CNTN5: variants seen among roughly 807,000 people sequenced by gnomAD.
The protein encoded by CNTN5 is contactin 5, also known as contactin-5.
Under a neutral mutation model 129.1 loss-of-function variants are expected in CNTN5, and 77 were observed. The observed-to-expected ratio is 0.60, with a 90% CI of 0.50 to 0.72. The LOEUF (loss-of-function observed/expected upper bound fraction) is 0.72. CNTN5 is among the 30% of genes least tolerant of loss of function. The probability of loss-of-function intolerance (pLI) is 0.00; values close to 1 mark genes in which losing one functional copy is unlikely to be tolerated. For synonymous variants in CNTN5, 509 were observed against 465.6 expected (o/e 1.09, Z -1.20); for missense variants, 1,478 against 1,328.8 (o/e 1.11, Z -1.75).
At chr11:99,089,748 C>T (rs774165327) in intron 1 of CNTN5, among the ~76,000 whole-genome samples, 11 of 152,118 alleles carry the variant, frequency 7.2e-5, no homozygotes, top group East Asian at 1.9e-4. Context: ...CTAAACAATA[C>T]GGGACAAATA....
At chr11:99,677,584 C>G (rs750350592) in intron 3 of CNTN5, among the ~76,000 whole-genome samples, 1 of 152,016 alleles carries the variant, frequency 6.6e-6, no homozygotes, top group Non-Finnish European at 1.5e-5. Context: ...GTGTTTTTGT[C>G]TTCTCACTCT....
chr11:99,584,314 A>G (rs998997117), intron 3 of CNTN5, among the ~76,000 whole-genome samples: 6 of 152,180 alleles, frequency 3.9e-5, no homozygotes, highest in Non-Finnish European at 8.8e-5. Context: ...CTAGCTCACC[A>G]TACTTATTCA....
At chr11:99,160,542 A>T (rs1860558888) in intron 1 of CNTN5, among the ~76,000 whole-genome samples, 1 of 152,166 alleles carries the variant, frequency 6.6e-6, no homozygotes, top group African/African-American at 2.4e-5. Flanking sequence ...TATATATTTT[A>T]CTTTTTGCTG....
chr11:100,150,585 C>G (rs982732615), intron 13 of CNTN5, among the ~76,000 whole-genome samples: 1 of 151,096 alleles, frequency 6.6e-6, no homozygotes, highest in Non-Finnish European at 1.5e-5. Context: ...CTTTTTTTCC[C>G]TCTCAAAACT....
At position 99,042,033 on chromosome 11, in the gene CNTN5, C is replaced by T. The variant is rs149208817; in HGVS notation, c.-210+20763C>T. Among the ~76,000 whole-genome samples the T allele has an allele frequency of 7.4e-4, 112 of 152,100 alleles. 1 individual carries two copies. Among genetic ancestry groups the T allele is most frequent in the African/African-American group, 2.6e-3 (107 of 41,504 alleles). On this transcript the variant is annotated intron_variant, in intron 1 of 24. Transcript: ENST00000524871. ...ATTTCATGTCGAGAATATCATTTCT[C>T]TAGAAATGTTGCCATCAAATTTGTG...
intron 1 of CNTN5, among the ~76,000 whole-genome samples, chr11:99,237,212 T>C (rs1415303343): frequency 3.3e-5 from 5 of 152,192 alleles, no homozygotes. Flanking sequence ...TGTTCATTCT[T>C]TGTTCTGTTG....
chr11:100,251,075 A>T (rs1949953346), intron 16 of CNTN5, among the ~76,000 whole-genome samples: 2 of 152,274 alleles, frequency 1.3e-5, no homozygotes, highest in Non-Finnish European at 2.9e-5. Flanking sequence ...TTTTCATAAT[A>T]TTTGAGGGTC....
intron 8 of CNTN5, among the ~76,000 whole-genome samples, chr11:99,992,520 A>T (rs12277517): frequency 0.071 from 10,752 of 152,152 alleles, 680 homozygotes; most frequent in African/African-American, 0.16. Flanking sequence ...CCATTCTTGA[A>T]TTTTTTTAAT....
At chr11:100,115,414 A>G (rs1945812289) in intron 13 of CNTN5, among the ~76,000 whole-genome samples, 1 of 152,146 alleles carries the variant, frequency 6.6e-6, no homozygotes, top group African/African-American at 2.4e-5. Flanking sequence ...CACACACCAA[A>G]AAAACAAAAC....
intron 13 of CNTN5, among the ~76,000 whole-genome samples, chr11:100,141,461 C>T (rs1394984037): frequency 6.6e-6 from 1 of 152,064 alleles, no homozygotes; most frequent in Non-Finnish European, 1.5e-5. Flanking sequence ...TTCTTTTGAC[C>T]TCTCTTAATA....
At chr11:99,730,207 A>C (rs183719975) in intron 3 of CNTN5, among the ~76,000 whole-genome samples, 2 of 152,308 alleles carry the variant, frequency 1.3e-5, no homozygotes, top group African/African-American at 4.8e-5. Context: ...GCTGTGTTCT[A>C]TTCCCTAGAA....
intron 3 of CNTN5, among the ~76,000 whole-genome samples, chr11:99,606,976 A>G (rs2135716870): frequency 8.5e-6 from 1 of 116,982 alleles, no homozygotes; most frequent in South Asian, 2.9e-4. Flanking sequence ...TAAACGTTAG[A>G]CCTAAAACCA....
At chr11:99,649,122 A>T (rs1952067071) in intron 3 of CNTN5, among the ~76,000 whole-genome samples, 1 of 151,796 alleles carries the variant, frequency 6.6e-6, no homozygotes, top group Non-Finnish European at 1.5e-5. Context: ...TAATTACTAT[A>T]CATTTTATGT....
At chr11:99,328,051 T>TTGA (rs1317317293) in intron 2 of CNTN5, among the ~76,000 whole-genome samples, 2 of 152,196 alleles carry the variant, frequency 1.3e-5, no homozygotes, top group African/African-American at 4.8e-5. Flanking sequence ...AGTATTACAG[T>TTGA]TGATAAGAAT....
intron 1 of CNTN5, among the ~76,000 whole-genome samples, chr11:99,216,808 A>G (rs1038028474): frequency 6.6e-6 from 1 of 152,158 alleles, no homozygotes; most frequent in Non-Finnish European, 1.5e-5. Context: ...AGTTCAGGAA[A>G]GGAAATAGTC....
intron 2 of CNTN5, among the ~76,000 whole-genome samples, chr11:99,419,698 G>A (rs1298333990): frequency 6.6e-6 from 1 of 152,134 alleles, no homozygotes; most frequent in African/African-American, 2.4e-5. Context: ...GGCTGGAGTG[G>A]GGGGAGGGGT....
chr11:99,171,763 CTT>C (rs1371151872), intron 1 of CNTN5, among the ~76,000 whole-genome samples: 1 of 152,116 alleles, frequency 6.6e-6, no homozygotes, highest in South Asian at 2.1e-4. Flanking sequence ...TTCCATGACA[CTT>C]TTATTATTAC....
At chr11:100,084,705 G>T (rs1007179363) in intron 13 of CNTN5, among the ~76,000 whole-genome samples, 3 of 152,082 alleles carry the variant, frequency 2.0e-5, no homozygotes, top group African/African-American at 7.2e-5. Context: ...TAAGTAGGGA[G>T]ATAGATTGAT....
chr11:100,208,750 A>T (rs1336166520), intron 15 of CNTN5, among the ~76,000 whole-genome samples: 1 of 152,168 alleles, frequency 6.6e-6, no homozygotes, highest in Non-Finnish European at 1.5e-5. Flanking sequence ...CTCCAAATTT[A>T]CTTTCCAGTT....
Sources: allele counts gnomAD v4.1 joint callset (sites outside exome capture counted in the v4.1 genomes callset), GRCh38; gene constraint gnomAD v4.1.1; transcripts MANE v1.5; gene names NCBI Gene and HGNC (gene_info 2026-07-23, HGNC 2026-07-21).